Variants in PRKAR1A observed in about 807,000 individuals in gnomAD.
The protein encoded by PRKAR1A is cAMP-dependent protein kinase type I-alpha regulatory subunit.
In PRKAR1A, 3 loss-of-function variants were observed where a neutral mutation model predicts 52.0. That is an observed-to-expected ratio of 0.06 (90% CI 0.03 to 0.15). PRKAR1A has a LOEUF of 0.15. PRKAR1A is among the 10% of genes least tolerant of loss of function. PRKAR1A has a pLI of 1.00. For synonymous variants in PRKAR1A, 188 were observed against 168.4 expected (o/e 1.12, Z -0.90); for missense variants, 240 against 477.4 (o/e 0.50, Z 4.63).
chr17:68,525,078 A>C, intron 6 of PRKAR1A, 120 bp downstream of exon 6: 1 of 820,230 alleles, frequency 1.2e-6, no homozygotes, highest in South Asian at 1.5e-5. Flanking sequence ...AGATTTTATT[A>C]ATACCTTTTG....
chr17:68,426,778 G>A, the PRKAR1A span, among the ~76,000 whole-genome samples: 2 of 152,122 alleles, frequency 1.3e-5, no homozygotes, highest in African/African-American at 4.8e-5. Flanking sequence ...CCAGTGATCC[G>A]CTGGCCTCAG....
chr17:68,429,602 T>C, the PRKAR1A span, among the ~76,000 whole-genome samples: 1 of 151,974 alleles, frequency 6.6e-6, no homozygotes, highest in Non-Finnish European at 1.5e-5. Flanking sequence ...TTCTTTTTCT[T>C]TTTTGAGATG....
At chr17:68,521,784 A>G (rs1036105425) in intron 2 of PRKAR1A, among the ~76,000 whole-genome samples, 3 of 152,266 alleles carry the variant, frequency 2.0e-5, no homozygotes, top group Non-Finnish European at 4.4e-5. Context: ...GGAGATTAAT[A>G]TATGGGCACT....
chr17:68,537,854 G>T (rs932702227), downstream of PRKAR1A: 2 of 1,214,894 alleles, frequency 1.6e-6, no homozygotes, highest in Non-Finnish European at 2.3e-6. This position sits in a 1 kb window ranked among gnomAD's most constrained non-coding sequence, Gnocchi z 4.2. Context: ...GCCTCTCCTT[G>T]TGTCTTCTCA....
chr17:68,488,097 G>A, the PRKAR1A span, among the ~76,000 whole-genome samples: 1 of 152,086 alleles, frequency 6.6e-6, no homozygotes, highest in Non-Finnish European at 1.5e-5. Context: ...ATTTGAAGAT[G>A]GCCAGGTGGC....
intron 11 of PRKAR1A, chr17:68,539,249 A>T: frequency 7.4e-7 from 1 of 1,345,228 alleles, no homozygotes; most frequent in South Asian, 1.2e-5. Flanking sequence ...GACCAGTGAA[A>T]ACTGGAAGCC....
the PRKAR1A span, among the ~76,000 whole-genome samples, chr17:68,489,042 C>G: frequency 1.0e-4 from 15 of 148,488 alleles, no homozygotes; most frequent in Admixed American, 6.0e-4. Flanking sequence ...TTTCCTAAGG[C>G]TTGTCTGAAT....
intron 11 of PRKAR1A, chr17:68,539,288 A>T: frequency 1.3e-6 from 2 of 1,596,960 alleles, no homozygotes; most frequent in Non-Finnish European, 8.6e-7. Context: ...AGCAGCATGA[A>T]GGGTCACAAC....
the PRKAR1A span, among the ~76,000 whole-genome samples, chr17:68,422,907 C>T: frequency 1.3e-5 from 2 of 152,072 alleles, no homozygotes; most frequent in East Asian, 3.9e-4. Flanking sequence ...TTCTAAGGCA[C>T]CAGAAATGAT....
chr17:68,429,010 C>T, the PRKAR1A span: 1 of 1,132,870 alleles, frequency 8.8e-7, no homozygotes, highest in East Asian at 2.5e-5. Flanking sequence ...TGACAAAGCC[C>T]CCCTCACCCT....
chr17:68,427,197 A>G, the PRKAR1A span: 2 of 1,614,100 alleles, frequency 1.2e-6, no homozygotes, highest in African/African-American at 2.7e-5. Context: ...AGACTGAGGT[A>G]AGGAAGGTCT....
chr17:68,510,159 C>CAGAGAGAGAGAGAG (rs35144524), upstream of PRKAR1A, among the ~76,000 whole-genome samples: 2,931 of 127,502 alleles, frequency 0.023, 82 homozygotes, highest in African/African-American at 0.043. Context: ...TATATGTAGA[C>CAGAGAGAGAGAGAG]AGAGAGAGAG....
chr17:68,521,313 T>C (rs2085600172), intron 2 of PRKAR1A, among the ~76,000 whole-genome samples: 1 of 152,220 alleles, frequency 6.6e-6, no homozygotes, highest in South Asian at 2.1e-4. Context: ...CACTGCAGTC[T>C]CTACCTTCCA....
chr17:68,458,462 C>T, the PRKAR1A span, among the ~76,000 whole-genome samples: 1 of 152,064 alleles, frequency 6.6e-6, no homozygotes, highest in African/African-American at 2.4e-5. Flanking sequence ...CAGCATTTGA[C>T]GGAGCTGGAA....
the PRKAR1A span, chr17:68,435,832 C>G: frequency 1.1e-6 from 1 of 906,176 alleles, no homozygotes; most frequent in Non-Finnish European, 1.8e-6. Context: ...GTCTCTTCCT[C>G]TGTCCCCCAG....
chr17:68,536,502 C>T (rs1171427255), downstream of PRKAR1A: 4 of 454,122 alleles, frequency 8.8e-6, no homozygotes, highest in South Asian at 6.2e-5. Flanking sequence ...AATAAAAAAC[C>T]TGACTTAGTC....
At chr17:68,544,494 G>A (rs530341918) in intron 11 of PRKAR1A, among the ~76,000 whole-genome samples, 46 of 152,070 alleles carry the variant, frequency 3.0e-4, no homozygotes, top group Admixed American at 1.3e-3. Flanking sequence ...GATGATCTTC[G>A]AATAATTTTA....
chr17:68,490,491 A>G, the PRKAR1A span, among the ~76,000 whole-genome samples: 7 of 152,316 alleles, frequency 4.6e-5, no homozygotes, highest in African/African-American at 1.7e-4. Flanking sequence ...AGAGGAGGCT[A>G]ATCTGAGGAC....
At chr17:68,546,278 C>T (rs1317385840) in intron 11 of PRKAR1A, among the ~76,000 whole-genome samples, 2 of 150,946 alleles carry the variant, frequency 1.3e-5, no homozygotes, top group African/African-American at 4.9e-5. Flanking sequence ...AATTCTAGTT[C>T]TCTTTTATTT....
Sources: allele counts gnomAD v4.1 joint callset (sites outside exome capture counted in the v4.1 genomes callset), GRCh38; gene constraint gnomAD v4.1.1; non-coding constraint Gnocchi (gnomAD v3.1); transcripts MANE v1.5; gene names NCBI Gene and HGNC (gene_info 2026-07-23, HGNC 2026-07-21).